The following LMAN2L variants were observed in gnomAD, a reference collection of about 807,000 sequenced individuals.
LMAN2L encodes the protein VIP36-like protein.
A neutral mutation model predicts 44.3 loss-of-function variants in LMAN2L; 30 were observed. The ratio of observed to expected loss-of-function variants is 0.68; its 90% CI spans 0.51 to 0.92. The LOEUF is 0.92. LMAN2L is among the 40% of genes least tolerant of loss of function. LMAN2L has a pLI of 0.00. For synonymous variants in LMAN2L, 183 were observed against 171.1 expected (o/e 1.07, Z -0.54); for missense variants, 429 against 446.1 (o/e 0.96, Z 0.35).
At chr2:96,735,557 G>A (rs2078495946) in intron 2 of LMAN2L, among the ~76,000 whole-genome samples, 1 of 152,162 alleles carries the variant, frequency 6.6e-6, no homozygotes. Flanking sequence ...TCAGAGAAAC[G>A]GCCCAGCGCG....
At chr2:96,707,457 T>A in intron 7 of LMAN2L, 59 bp from the exon 8 acceptor site, 2 of 1,551,762 alleles carry the variant, frequency 1.3e-6, no homozygotes, top group Admixed American at 3.9e-5. Flanking sequence ...TAGGGAAGGA[T>A]CAAACTATAG....
At position 96,706,324 on chromosome 2, in the gene LMAN2L, T is replaced by TA. The variant is rs2077777944; in HGVS notation, c.*931dup. 1 of 152,236 alleles carries TA rather than the reference T, an allele frequency of 6.6e-6. No homozygotes were observed. Among genetic ancestry groups the TA allele is most frequent in the Non-Finnish European group, 1.5e-5 (1 of 68,026 alleles). The allele number at this position is 152,236 out of a possible 1,614,324, so 9.4% of individuals were successfully genotyped here. ...ACTCAAAGTGGGATTCCAAAAATCG[T>TA]AACTACAAAACATGCAGCTAAGCAG... On this transcript the variant is annotated 3_prime_UTR_variant, in exon 8 of 8. Coordinates refer to ENST00000264963, the MANE Select transcript of LMAN2L (RefSeq NM_030805.4).
chr2:96,723,516 AG>A (rs989317988), intron 4 of LMAN2L, among the ~76,000 whole-genome samples: 1 of 152,188 alleles, frequency 6.6e-6, no homozygotes, highest in African/African-American at 2.4e-5. Flanking sequence ...GAAACACGTA[AG>A]GTTTCAATTT....
intron 3 of LMAN2L, 93 bp downstream of exon 3, chr2:96,734,316 G>C (rs1313115254): frequency 2.5e-6 from 2 of 802,720 alleles, no homozygotes; most frequent in African/African-American, 3.4e-5. Flanking sequence ...AGGGAAAACA[G>C]CTGGCACTGT....
At position 96,711,646 on chromosome 2, in the gene LMAN2L, G is replaced by A. The variant is rs80129946; in HGVS notation, c.784+10C>T. The A allele has an allele frequency of 3.7e-3, 5,832 of 1,587,318 alleles. 197 individuals are homozygous for A. In the African/African-American group the frequency reaches 0.068, roughly 19 times the overall value. ...CAGTCAGGGCAAACCAAGAGTGCGC[G>A]TGGCAGTACCTGAGAGATCCCCAGT... On this transcript the variant is annotated intron_variant, in intron 6 of 7. Coordinates refer to ENST00000264963, the MANE Select transcript of LMAN2L (RefSeq NM_030805.4).
chr2:96,732,385 C>G (rs1419813982), intron 4 of LMAN2L, among the ~76,000 whole-genome samples: 1 of 151,624 alleles, frequency 6.6e-6, no homozygotes, highest in Non-Finnish European at 1.5e-5. Context: ...GTGACTCACG[C>G]CTGTAATCCC....
intron 4 of LMAN2L, among the ~76,000 whole-genome samples, chr2:96,721,107 C>T (rs1210184687): frequency 6.6e-6 from 1 of 151,952 alleles, no homozygotes; most frequent in Non-Finnish European, 1.5e-5. Context: ...AATCTCATGC[C>T]CACTAGTAGT....
intron 4 of LMAN2L, among the ~76,000 whole-genome samples, chr2:96,719,597 AT>A (rs1170591222): frequency 3.3e-5 from 5 of 149,834 alleles, no homozygotes; most frequent in African/African-American, 1.0e-4. Flanking sequence ...AAAAAAAAAA[AT>A]TTTTTTTCTT....
At chr2:96,722,134 A>AT (rs2078170895) in intron 4 of LMAN2L, among the ~76,000 whole-genome samples, 1 of 151,504 alleles carries the variant, frequency 6.6e-6, no homozygotes. Context: ...CGCCCGGCTA[A>AT]TTTTTTTGTA....
At chr2:96,716,177 GCTT>G (rs961545455) in intron 4 of LMAN2L, among the ~76,000 whole-genome samples, 28 of 152,184 alleles carry the variant, frequency 1.8e-4, no homozygotes, top group Admixed American at 9.8e-4. Flanking sequence ...ATTAGATTTG[GCTT>G]CTTTTTATTG....
chr2:96,707,774 C>A lies in LMAN2L; in HGVS notation c.844G>T (p.Glu282Ter), dbSNP rs763226015. The A allele has an allele frequency of 6.2e-7, 1 of 1,614,032 alleles. No individual in the cohort carries two copies. The highest frequency in any genetic ancestry group is 1.7e-5 in the Admixed American group (1 of 60,018). The change falls in exon 7 of 8, where the codon GAG becomes TAG. Residue 282 changes from glutamate (E) to a stop codon, truncating the protein, a stop_gained. Transcript: ENST00000264963. LOFTEE classifies it high-confidence loss of function. Reference protein sequence around the residue: ...FELTVERTPEEEKLHRDVFLP... With the variant: ...FELTVERTPE ...AACACATCTCGATGGAGCTTTTCCT[C>A]TTCTGGGGTTCTCTCCACTGTCAGT...
chr2:96,724,454 G>T (rs1025474313), intron 4 of LMAN2L, among the ~76,000 whole-genome samples: 4 of 152,202 alleles, frequency 2.6e-5, no homozygotes, highest in Non-Finnish European at 5.9e-5. Flanking sequence ...CCATGCCATA[G>T]AACATCTTTC....
intron 4 of LMAN2L, among the ~76,000 whole-genome samples, chr2:96,730,357 A>C (rs1282455089): frequency 6.6e-6 from 1 of 152,176 alleles, no homozygotes; most frequent in Admixed American, 6.5e-5. Flanking sequence ...CTACCCCTTC[A>C]GAATCAAGTC....
At chr2:96,733,496 T>G (rs1354231245) in intron 4 of LMAN2L, 23 bp downstream of exon 4, 2 of 1,574,646 alleles carry the variant, frequency 1.3e-6, no homozygotes, top group African/African-American at 2.7e-5. Flanking sequence ...GTAGCTGACC[T>G]AGGCTCTGAC....
At position 96,740,019 on chromosome 2, in the gene LMAN2L, G is replaced by A. The variant is rs765945919; in HGVS notation, c.22C>T (p.Leu8Phe). The change falls in exon 1 of 8, where the codon CTT (leucine) becomes TTT (phenylalanine). Residue 8 changes from leucine (L) to phenylalanine (F), a missense_variant. Coordinates refer to ENST00000264963, the MANE Select transcript of LMAN2L (RefSeq NM_030805.4). MAATLGP[L>F]GSWQQWRRCL... ...CGCCGCCACTGCTGCCACGACCCAA[G>A]GGGTCCCAGAGTCGCCGCCATCTTT... 27 of 1,612,226 alleles carry A rather than the reference G, an allele frequency of 1.7e-5. No homozygotes were observed. Among genetic ancestry groups the A allele is most frequent in the South Asian group, 3.3e-5 (3 of 91,056 alleles).
At chr2:96,711,281 G>A (rs1416658447) in intron 6 of LMAN2L, among the ~76,000 whole-genome samples, 1 of 152,208 alleles carries the variant, frequency 6.6e-6, no homozygotes, top group Admixed American at 6.5e-5. Flanking sequence ...GGGGTCAGAA[G>A]AGGGACGGCA....
intron 4 of LMAN2L, among the ~76,000 whole-genome samples, chr2:96,714,143 A>G (rs537748897): frequency 1.8e-4 from 28 of 152,404 alleles, no homozygotes; most frequent in African/African-American, 6.5e-4. Flanking sequence ...AAGGAAAATA[A>G]AATAGGTAAT....
chr2:96,728,811 G>A (rs984953203), intron 4 of LMAN2L, among the ~76,000 whole-genome samples: 12 of 151,934 alleles, frequency 7.9e-5, no homozygotes, highest in Non-Finnish European at 1.8e-4. Flanking sequence ...GGCGGAGGTT[G>A]CAGTGAGCCG....
intron 4 of LMAN2L, among the ~76,000 whole-genome samples, chr2:96,722,116 C>T (rs866598795): frequency 1.3e-5 from 2 of 151,898 alleles, no homozygotes; most frequent in South Asian, 2.1e-4. Context: ...CATAGGTGGC[C>T]GCCACCACGC....
Sources: gnomAD v4.1 joint callset for allele counts (sites outside exome capture counted in the v4.1 genomes callset) on GRCh38, gnomAD v4.1.1 for gene constraint, MANE v1.5 for transcripts, NCBI Gene and HGNC (gene_info 2026-07-23, HGNC 2026-07-21) for gene names.